Variants in UGT2B4 observed in about 807,000 individuals in gnomAD.
The protein encoded by UGT2B4 is UDP glucuronosyltransferase family 2 member B4.
A neutral mutation model predicts 49.8 loss-of-function variants in UGT2B4; 49 were observed. That is an observed-to-expected ratio of 0.98 (90% confidence interval 0.78 to 1.25). The LOEUF is 1.25. UGT2B4 is among the 50% of genes most tolerant of loss of function. The probability of loss-of-function intolerance (pLI) is 0.00; values close to 1 mark genes in which losing one functional copy is unlikely to be tolerated. For missense variants in UGT2B4, 729 were observed against 627.7 expected, an observed-to-expected ratio of 1.16 and a Z score of -1.73; for synonymous variants, 246 against 217.7, an observed-to-expected ratio of 1.13 and a Z score of -1.14.
chr4:69,501,539 A>T (rs1728319293), intron 1 of UGT2B4, among the ~76,000 whole-genome samples: 1 of 152,160 alleles, frequency 6.6e-6, no homozygotes, highest in Non-Finnish European at 1.5e-5. Flanking sequence ...GTGATAGCCC[A>T]GCACAGCAAA....
At position 69,489,518 on chromosome 4, in the gene UGT2B4, G is replaced by A. The variant is rs1727916352; in HGVS notation, c.923C>T (p.Ser308Phe). 1 of 1,611,632 alleles carries A rather than the reference G, an allele frequency of 6.2e-7. No individual in the cohort carries two copies. Among genetic ancestry groups the A allele is most frequent in the Non-Finnish European group, 8.5e-7 (1 of 1,178,568 alleles). The change falls in exon 3 of 6, where the codon TCT becomes TTT. Residue 308 changes from serine (S) to phenylalanine (F), a missense_variant. Ser to Phe is a radical substitution (Grantham distance 155). Transcript: ENST00000305107. Reference sequence around the variant, plus strand: ...CGTGTTACTGACCATCGACCCCAGAGAAAACACCACAACACCATTTTCTCC... The same window carrying A: ...CGTGTTACTGACCATCGACCCCAGAAAAAACACCACAACACCATTTTCTCC... ...SSGENGVVVF[S>F]LGSMVSNTSE...
chr4:69,520,554 C>T (rs548322035), intron 1 of UGT2B4, among the ~76,000 whole-genome samples: 2 of 152,370 alleles, frequency 1.3e-5, no homozygotes, highest in South Asian at 4.1e-4. Flanking sequence ...CTCCCGCTGC[C>T]TGGCTTCTCC....
intron 1 of UGT2B4, among the ~76,000 whole-genome samples, chr4:69,522,959 T>C (rs1177404905): frequency 6.6e-6 from 1 of 152,172 alleles, no homozygotes; most frequent in East Asian, 1.9e-4. Context: ...ACCACTTTCT[T>C]CTCCAATGCA....
rs1005885167 is a variant in UGT2B4 at position 69,480,798 on chromosome 4, G to A, written c.1423C>T (p.His475Tyr). 1 of 1,613,838 alleles carries A rather than the reference G, an allele frequency of 6.2e-7. No individual in the cohort carries two copies. Among genetic ancestry groups the A allele is most frequent in the Non-Finnish European group, 8.5e-7 (1 of 1,179,862 alleles). Residue 475 changes from histidine to tyrosine, a missense_variant, in exon 6 of 6, where the codon CAC becomes TAC. By Grantham distance (83) the His-to-Tyr change is moderately conservative. Transcript: ENST00000305107. ...AGGTCGTGGGCTGCAACCCGAAGGT[G>A]CTTGGCTCCTTTATGGCGCATGACA... ...EFVMRHKGAK[H>Y]LRVAAHDLTW...
rs773071003 is a variant in UGT2B4 at position 69,480,628 on chromosome 4, A to G, written c.*6T>C. On this transcript the variant is annotated 3_prime_UTR_variant, in exon 6 of 6. Transcript: ENST00000305107. Reference sequence around the variant, plus strand: ...TGGGTTTCCCAGCTTCCAGCCTCAGACGTAATTAATCTCTTTTCCCCTTCT... The same window carrying G: ...TGGGTTTCCCAGCTTCCAGCCTCAGGCGTAATTAATCTCTTTTCCCCTTCT... 10 of 1,612,578 alleles carry G rather than the reference A, an allele frequency of 6.2e-6. No homozygotes were observed. The Admixed American group carries it at 1.7e-4, about 27-fold the overall frequency.
chr4:69,496,003 T>C (rs1322043435), upstream of UGT2B4: 86 of 1,335,146 alleles, frequency 6.4e-5, 1 homozygote, highest in Non-Finnish European at 8.3e-5. Flanking sequence ...AGTCTGAGCA[T>C]GTGGATGACA....
At chr4:69,481,021 G>C in intron 5 of UGT2B4, 111 bp from the exon 6 acceptor site, 1 of 1,141,744 alleles carries the variant, frequency 8.8e-7, no homozygotes, top group Non-Finnish European at 1.2e-6. Flanking sequence ...GGCGGATCAC[G>C]AGGTCAGGAG....
At chr4:69,487,900 A>C (rs1186986699) in intron 3 of UGT2B4, among the ~76,000 whole-genome samples, 1 of 152,102 alleles carries the variant, frequency 6.6e-6, no homozygotes, top group Admixed American at 6.6e-5. Context: ...TTCATCTACC[A>C]AATTTAATAT....
At chr4:69,505,091 A>G (rs557209191) in intron 1 of UGT2B4, among the ~76,000 whole-genome samples, 1 of 152,328 alleles carries the variant, frequency 6.6e-6, no homozygotes, top group South Asian at 2.1e-4. Flanking sequence ...AGGAAAAAAA[A>G]GAAAACATTT....
At chr4:69,522,067 A>G (rs988164036) in intron 1 of UGT2B4, among the ~76,000 whole-genome samples, 2 of 152,232 alleles carry the variant, frequency 1.3e-5, no homozygotes, top group African/African-American at 4.8e-5. Flanking sequence ...TTGGTTGGTG[A>G]GTAATTAACT....
At chr4:69,503,374 C>G (rs1404893381) in intron 1 of UGT2B4, among the ~76,000 whole-genome samples, 1 of 152,208 alleles carries the variant, frequency 6.6e-6, no homozygotes, top group Non-Finnish European at 1.5e-5. Flanking sequence ...TCTACATGTT[C>G]TCTCCCAAGA....
At chr4:69,490,285 A>G (rs13151870) in intron 2 of UGT2B4, among the ~76,000 whole-genome samples, 28,571 of 152,134 alleles carry the variant, frequency 0.19, 3,047 homozygotes, top group Non-Finnish European at 0.25. Context: ...GTAGTTACAT[A>G]GTCGAATGAT....
rs41297733 is a variant in UGT2B4, at chr4:69,482,468, T to A, written c.1311-1558A>T. ...CAGATCATGATAGAGGGTATCAGAA[T>A]CTTCTTAGAAGAACTCTCTTTTCCT... On this transcript the variant is annotated intron_variant, in intron 5 of 5. Transcript: ENST00000305107. Among the ~76,000 whole-genome samples the A allele has an allele frequency of 1.2e-4, 18 of 152,358 alleles. No individual in the cohort carries two copies. In the East Asian group the frequency reaches 3.5e-3, roughly 29 times the overall value.
chr4:69,482,754 G>A (rs41297727), intron 5 of UGT2B4, among the ~76,000 whole-genome samples: 2,612 of 151,638 alleles, frequency 0.017, 67 homozygotes, highest in African/African-American at 0.057. Context: ...TTACAGGTGC[G>A]CACCACCATG....
upstream of UGT2B4, among the ~76,000 whole-genome samples, chr4:69,496,389 C>A (rs1053261697): frequency 6.6e-6 from 1 of 152,148 alleles, no homozygotes; most frequent in South Asian, 2.1e-4. Flanking sequence ...TCACCTGACT[C>A]ATGTAATATA....
chr4:69,501,214 A>G (rs1185116644), intron 1 of UGT2B4, among the ~76,000 whole-genome samples: 1 of 136,678 alleles, frequency 7.3e-6, no homozygotes, highest in Non-Finnish European at 1.6e-5. Flanking sequence ...CTGTTCTGCC[A>G]TTTGAGCTTT....
rs778122144 is a variant in UGT2B4, at chr4:69,516,325, T to C, written c.-106+9362A>G. Among the ~76,000 whole-genome samples the C allele has an allele frequency of 1.9e-4, 29 of 152,348 alleles. No individual in the cohort carries two copies. In the South Asian group the frequency reaches 2.3e-3, roughly 12 times the overall value. On this transcript the variant is annotated intron_variant, in intron 1 of 1. Transcript: ENST00000510114. ...CATGTATCTTTGTAATAAAATCATA[T>C]GCATTCCTTTGGGTATATACCCAGT...
chr4:69,505,772 T>C (rs1728453509), intron 1 of UGT2B4, among the ~76,000 whole-genome samples: 1 of 152,128 alleles, frequency 6.6e-6, no homozygotes, highest in Non-Finnish European at 1.5e-5. Flanking sequence ...TTTTTCTCAT[T>C]GCCACAGGAC....
intron 2 of UGT2B4, among the ~76,000 whole-genome samples, chr4:69,493,444 T>A (rs2109812533): frequency 6.6e-6 from 1 of 152,298 alleles, no homozygotes; most frequent in Non-Finnish European, 1.5e-5. Flanking sequence ...CCTTCTTATA[T>A]GTTGCATAAT....
Sources: gnomAD v4.1 joint callset for allele counts (sites outside exome capture counted in the v4.1 genomes callset) on GRCh38, gnomAD v4.1.1 for gene constraint, MANE v1.5 for transcripts, NCBI Gene and HGNC (gene_info 2026-07-23, HGNC 2026-07-21) for gene names.